The following KALRN variants were observed in gnomAD, a reference collection of about 807,000 sequenced individuals.
KALRN encodes the protein kalirin.
KALRN carries 70 observed loss-of-function variants against 353.7 expected under a neutral mutation model. The ratio of observed to expected loss-of-function variants is 0.20; its 90% confidence interval spans 0.16 to 0.24. The LOEUF is 0.24. Ranked by LOEUF, KALRN falls within the 10% of genes least tolerant of loss-of-function variation. KALRN has a pLI of 1.00. For synonymous variants in KALRN, 1,391 were observed against 1,434.8 expected (o/e 0.97, Z 0.69); for missense variants, 2,791 against 3,756.7 (o/e 0.74, Z 6.72).
chr3:124,717,338 G>C lies in KALRN; in HGVS notation c.8368G>C (p.Ala2790Pro). ...VAFYIRDIMEALQYLHNCRVA... is the reference protein window; with the variant it reads ...VAFYIRDIMEPLQYLHNCRVA... ...TTTCTATATCCGAGACATCATGGAG[G>C]CTCTGCAGTACCTTCACAACTGCAG... Residue 2790 changes from alanine (A) to proline (P), a missense_variant, in exon 59 of 60, where the codon GCT becomes CCT. Transcript: ENST00000682506. The C allele has an allele frequency of 1.2e-6, 2 of 1,612,062 alleles. No individual in the cohort carries two copies. Among genetic ancestry groups the C allele is most frequent in the Non-Finnish European group, 1.7e-6 (2 of 1,178,858 alleles).
chr3:124,253,969 G>A (rs887137741), intron 3 of KALRN, among the ~76,000 whole-genome samples: 1 of 152,182 alleles, frequency 6.6e-6, no homozygotes, highest in African/African-American at 2.4e-5. Context: ...TCCAGCAGCT[G>A]TTTTAAGTGG....
chr3:124,251,355 CTTT>C (rs57628448), intron 3 of KALRN, among the ~76,000 whole-genome samples: 1 of 133,692 alleles, frequency 7.5e-6, no homozygotes, highest in South Asian at 2.4e-4. Context: ...CAAGTCTTTG[CTTT>C]TTTTTTTTTT....
chr3:124,318,221 C>A (rs1017235726), intron 6 of KALRN, among the ~76,000 whole-genome samples: 1 of 152,186 alleles, frequency 6.6e-6, no homozygotes, highest in Non-Finnish European at 1.5e-5. Context: ...CCTTTTCTGT[C>A]TCCATCCGGC....
intron 1 of KALRN, among the ~76,000 whole-genome samples, chr3:124,143,579 A>G (rs2066904356): frequency 6.6e-6 from 1 of 152,136 alleles, no homozygotes; most frequent in Non-Finnish European, 1.5e-5. Context: ...GAAAACTACT[A>G]ATAGAGCCTC....
chr3:124,377,654 A>G (rs991414630), intron 10 of KALRN, among the ~76,000 whole-genome samples: 1 of 152,202 alleles, frequency 6.6e-6, no homozygotes, highest in South Asian at 2.1e-4. Context: ...ATCTCTGACT[A>G]TAATTATGGA....
chr3:124,452,299 TC>T (rs1348200764), intron 21 of KALRN, among the ~76,000 whole-genome samples: 1 of 152,240 alleles, frequency 6.6e-6, no homozygotes, highest in African/African-American at 2.4e-5. Context: ...TTTACTCACC[TC>T]CAAACACAAG....
intron 34 of KALRN, among the ~76,000 whole-genome samples, chr3:124,621,094 A>G (rs1023008147): frequency 2.0e-5 from 3 of 152,212 alleles, no homozygotes; most frequent in East Asian, 1.9e-4. Context: ...TTGAGGGCCA[A>G]TGTCCCAATG....
At chr3:124,037,423 G>A (rs529020872) in intron 1 of KALRN, among the ~76,000 whole-genome samples, 2 of 152,280 alleles carry the variant, frequency 1.3e-5, no homozygotes, top group South Asian at 4.1e-4. Flanking sequence ...GTGAGGAATG[G>A]GAAACAGGAT....
chr3:124,505,214 A>G (rs1159085334), intron 33 of KALRN, among the ~76,000 whole-genome samples: 7 of 152,198 alleles, frequency 4.6e-5, no homozygotes, highest in Admixed American at 3.9e-4. Flanking sequence ...ATGGTAGGGG[A>G]AACAGGGAAT....
At chr3:124,485,471 C>A (rs547637317) in intron 28 of KALRN, among the ~76,000 whole-genome samples, 4 of 152,244 alleles carry the variant, frequency 2.6e-5, no homozygotes, top group African/African-American at 9.6e-5. Context: ...GGCTCTGGAC[C>A]TTTGTTCGGG....
At chr3:124,069,913 G>T (rs902246686) in intron 1 of KALRN, among the ~76,000 whole-genome samples, 13 of 152,248 alleles carry the variant, frequency 8.5e-5, no homozygotes, top group African/African-American at 3.1e-4. Context: ...CTGGAGGAGA[G>T]ACTACTGGAG....
At chr3:124,388,729 T>G (rs2088845073) in intron 11 of KALRN, among the ~76,000 whole-genome samples, 1 of 152,136 alleles carries the variant, frequency 6.6e-6, no homozygotes, top group Non-Finnish European at 1.5e-5. Flanking sequence ...GAGCTTTCCT[T>G]TAGGACCTAT....
At chr3:124,319,079 T>A (rs1369290410) in intron 6 of KALRN, among the ~76,000 whole-genome samples, 2 of 152,090 alleles carry the variant, frequency 1.3e-5, no homozygotes, top group Admixed American at 1.3e-4. Context: ...ATATATATAT[T>A]TTTTGCTGAA....
At chr3:124,490,613 T>G in intron 29 of KALRN, 81 bp from the exon 30 acceptor site, 1 of 1,354,534 alleles carries the variant, frequency 7.4e-7, no homozygotes, top group Non-Finnish European at 1.0e-6. Flanking sequence ...AGAGAGGCCT[T>G]TCTCCAAGAG....
rs1387592901 is a variant in KALRN, at chr3:124,723,031, T to C, written c.*3561T>C. The C allele has an allele frequency of 6.6e-6, 1 of 152,186 alleles. No homozygotes were observed. Among genetic ancestry groups the C allele is most frequent in the African/African-American group, 2.4e-5 (1 of 41,452 alleles). 9.4% of individuals were successfully genotyped at this position (152,186 alleles called of 1,614,324 possible). A position where few individuals can be genotyped will look rare whatever the true frequency, so the allele number is the denominator to read the frequency against. The stretch of plus-strand genomic sequence containing the variant: ...ATATATATCCACTTACAGCTGAATG[T>C]GGTAAAATTTTTAAGAAAAAAATGG... On this transcript the variant is annotated 3_prime_UTR_variant, in exon 60 of 60. Transcript: ENST00000682506.
chr3:124,692,932 A>C (rs1218336698), intron 51 of KALRN, among the ~76,000 whole-genome samples: 1 of 152,212 alleles, frequency 6.6e-6, no homozygotes, highest in Non-Finnish European at 1.5e-5. Context: ...TGGGGGGAAA[A>C]GTGACCATCT....
At chr3:124,626,107 A>G (rs890751054) in intron 34 of KALRN, among the ~76,000 whole-genome samples, 3 of 152,212 alleles carry the variant, frequency 2.0e-5, no homozygotes, top group Non-Finnish European at 2.9e-5. Context: ...AACATGAATG[A>G]ACTAGATCTA....
At chr3:124,046,536 A>G (rs1302924668) in intron 1 of KALRN, among the ~76,000 whole-genome samples, 1 of 152,198 alleles carries the variant, frequency 6.6e-6, no homozygotes, top group Non-Finnish European at 1.5e-5. Flanking sequence ...TGGGAATTGC[A>G]TAAAAGAATG....
chr3:124,146,182 G>A (rs2067297851), intron 1 of KALRN, among the ~76,000 whole-genome samples: 1 of 152,152 alleles, frequency 6.6e-6, no homozygotes. Context: ...CTACAGGCTT[G>A]GAGAAGGGAG....
Sources: gnomAD v4.1 joint callset for allele counts (sites outside exome capture counted in the v4.1 genomes callset) on GRCh38, gnomAD v4.1.1 for gene constraint, MANE v1.5 for transcripts, NCBI Gene and HGNC (gene_info 2026-07-23, HGNC 2026-07-21) for gene names.